Variants in EPB41L2 observed in about 807,000 individuals in gnomAD.
EPB41L2 encodes erythrocyte membrane protein band 4.1 like 2.
EPB41L2 carries 43 observed loss-of-function variants against 113.0 expected under a neutral mutation model. The observed-to-expected ratio is 0.38, with a 90% confidence interval of 0.30 to 0.49. The LOEUF is 0.49. Among genes scored for constraint, EPB41L2 ranks in the 20% least tolerant of loss-of-function variants. The probability of loss-of-function intolerance (pLI) is 0.95; values close to 1 mark genes in which losing one functional copy is unlikely to be tolerated. For missense variants in EPB41L2, 1,147 were observed against 1,223.4 expected, an observed-to-expected ratio of 0.94 and a Z score of 0.93; for synonymous variants, 442 against 436.7, an observed-to-expected ratio of 1.01 and a Z score of -0.15.
intron 1 of EPB41L2, among the ~76,000 whole-genome samples, chr6:131,060,883 CACTT>C (rs2128209973): frequency 6.6e-6 from 1 of 152,312 alleles, no homozygotes; most frequent in Non-Finnish European, 1.5e-5. Flanking sequence ...GAAATATACA[CACTT>C]AGTTGCTACA....
intron 8 of EPB41L2, among the ~76,000 whole-genome samples, chr6:130,898,337 G>C (rs371041352): frequency 1.3e-5 from 2 of 152,126 alleles, no homozygotes; most frequent in Non-Finnish European, 2.9e-5. Context: ...GAGGCCTAGG[G>C]AGGAAAGACA....
chr6:130,956,205 T>G lies in EPB41L2; in HGVS notation c.281A>C (p.Lys94Thr). Residue 94 changes from lysine (K) to threonine (T), a missense_variant, in exon 2 of 20, where the codon AAA becomes ACA. Transcript: ENST00000337057. ...KQKSYTLVVA[K>T]DGGDKKEPTQ... is the part of the protein sequence containing the mutation. ...AGGCTCTTTTTTATCTCCTCCATCT[T>G]TGGCCACTACTAAGGTATATGACTT... 1.2e-6 allele frequency: 2 copies of G among 1,614,208 alleles called. No individual in the cohort carries two copies. The highest frequency in any genetic ancestry group is 1.7e-6 in the Non-Finnish European group (2 of 1,180,046).
chr6:130,885,092 A>G lies in EPB41L2; in HGVS notation c.1833+4T>C. 1 of 1,614,036 alleles carries G rather than the reference A, an allele frequency of 6.2e-7. No individual in the cohort carries two copies. Among genetic ancestry groups the G allele is most frequent in the Non-Finnish European group, 8.5e-7 (1 of 1,179,960 alleles). On this transcript the variant is annotated splice_donor_region_variant and intron_variant, in intron 12 of 19. Coordinates refer to ENST00000337057, the MANE Select transcript of EPB41L2 (RefSeq NM_001431.4). The stretch of plus-strand genomic sequence containing the variant: ...AAACCACATACTGTGCTAATTTACC[A>G]TACCTTTCCTTCAATGAGCTGCAAA...
At chr6:131,054,401 C>G (rs1797217256) in intron 1 of EPB41L2, among the ~76,000 whole-genome samples, 1 of 152,212 alleles carries the variant, frequency 6.6e-6, no homozygotes, top group South Asian at 2.1e-4. Context: ...CTAGTCTCTG[C>G]TAGTATTTGC....
chr6:131,057,056 G>A (rs923867165), intron 1 of EPB41L2, among the ~76,000 whole-genome samples: 5 of 150,996 alleles, frequency 3.3e-5, no homozygotes, highest in African/African-American at 1.2e-4. Context: ...AGTGCAATAG[G>A]GTGAAAAAAT....
At position 130,885,123 on chromosome 6, in the gene EPB41L2, G is replaced by A; in HGVS notation, c.1806C>T (p.Ala602=). Residue 602 remains alanine (A), a synonymous_variant, in exon 12 of 20, where the codon GCC becomes GCT. Coordinates refer to ENST00000337057, the MANE Select transcript of EPB41L2 (RefSeq NM_001431.4). ...GRREVRSPTK[A]PHLQLIEGKK... ...TTCCTTCAATGAGCTGCAAATGTGG[G>A]GCTTTAGTTGGGCTTCTCACTTCCC... The A allele has an allele frequency of 3.1e-6, 5 of 1,614,044 alleles. No homozygotes were observed. The highest frequency in any genetic ancestry group is 3.4e-6 in the Non-Finnish European group (4 of 1,179,990).
At chr6:131,047,236 T>C (rs545500923) in intron 1 of EPB41L2, among the ~76,000 whole-genome samples, 1 of 152,158 alleles carries the variant, frequency 6.6e-6, no homozygotes, top group Non-Finnish European at 1.5e-5. Flanking sequence ...CTCAGGAAAC[T>C]GAGACAGAAG....
chr6:131,040,643 T>C (rs1794283759), intron 1 of EPB41L2, among the ~76,000 whole-genome samples: 2 of 152,194 alleles, frequency 1.3e-5, no homozygotes, highest in African/African-American at 4.8e-5. Flanking sequence ...TCCCAGATTA[T>C]ATGCCAGTAT....
At chr6:131,061,611 G>A (rs1048255965) in intron 1 of EPB41L2, among the ~76,000 whole-genome samples, 1 of 152,136 alleles carries the variant, frequency 6.6e-6, no homozygotes, top group African/African-American at 2.4e-5. Context: ...AACTGAATAG[G>A]ATTAAGCACT....
chr6:130,954,772 A>G (rs951530089), intron 3 of EPB41L2, among the ~76,000 whole-genome samples: 19 of 152,184 alleles, frequency 1.2e-4, no homozygotes, highest in Admixed American at 3.3e-4. Context: ...TACTGCTGAA[A>G]CTTCTTTATT....
intron 1 of EPB41L2, among the ~76,000 whole-genome samples, chr6:131,002,454 A>G (rs1784557650): frequency 6.6e-6 from 1 of 152,182 alleles, no homozygotes; most frequent in Non-Finnish European, 1.5e-5. Flanking sequence ...AACATTAATA[A>G]ACAGGTCAAA....
At chr6:130,965,155 T>C (rs1774732340) in intron 1 of EPB41L2, among the ~76,000 whole-genome samples, 1 of 152,208 alleles carries the variant, frequency 6.6e-6, no homozygotes, top group Non-Finnish European at 1.5e-5. Flanking sequence ...CAAGTGTTTA[T>C]TGAGTACTCT....
At chr6:130,846,680 GGCCCAA>G (rs1319463338) in intron 19 of EPB41L2, among the ~76,000 whole-genome samples, 3 of 152,170 alleles carry the variant, frequency 2.0e-5, no homozygotes, top group Non-Finnish European at 4.4e-5. Context: ...GGTCCTTTAA[GGCCCAA>G]GTCCCATCTT....
intron 1 of EPB41L2, among the ~76,000 whole-genome samples, chr6:130,973,160 T>C (rs1442858617): frequency 6.6e-6 from 1 of 152,090 alleles, no homozygotes; most frequent in African/African-American, 2.4e-5. Context: ...TTGATGGAAG[T>C]CTTCACTTCT....
In EPB41L2 at chr6:130,840,431, A is replaced by C. The variant is rs1775102700; in HGVS notation, c.*173T>G. ...AATGCATGGGAGCAATATAGACCAG[A>C]GCTGGTAAGGAAAGGTTTGGTGTTG... On this transcript the variant is annotated 3_prime_UTR_variant, in exon 20 of 20. Coordinates refer to ENST00000337057, the MANE Select transcript of EPB41L2 (RefSeq NM_001431.4). The C allele has an allele frequency of 6.6e-6, 1 of 152,208 alleles. No individual in the cohort carries two copies. Among genetic ancestry groups the C allele is most frequent in the Non-Finnish European group, 1.5e-5 (1 of 68,046 alleles). The allele number at this position is 152,208 out of a possible 1,614,324, so 9.4% of individuals were successfully genotyped here.
intron 1 of EPB41L2, among the ~76,000 whole-genome samples, chr6:130,973,929 T>C (rs145276968): frequency 5.9e-5 from 9 of 152,286 alleles, no homozygotes; most frequent in Admixed American, 2.6e-4. Context: ...AATCCAGAAA[T>C]GTGAAAACTT....
intron 1 of EPB41L2, among the ~76,000 whole-genome samples, chr6:130,982,453 A>G (rs1779584718): frequency 6.6e-6 from 1 of 152,208 alleles, no homozygotes; most frequent in Non-Finnish European, 1.5e-5. Context: ...AATGACAGAC[A>G]GGGTATAATT....
rs186863300 is a variant in EPB41L2 at position 131,057,751 on chromosome 6, T to C, written c.-15+5404A>G. ...GTATTTGAAAATTCTTTCATGAAGG[T>C]TGATGGTGAGGCCCTAAGAGCAAAG... On this transcript the variant is annotated intron_variant, in intron 1 of 19. Coordinates refer to ENST00000337057, the MANE Select transcript of EPB41L2 (RefSeq NM_001431.4). Among the ~76,000 whole-genome samples, 1,307 of 152,206 alleles carry C rather than the reference T, an allele frequency of 8.6e-3. 10 individuals carry two copies. The highest frequency in any genetic ancestry group is 0.021 in the South Asian group (102 of 4,814).
intron 19 of EPB41L2, among the ~76,000 whole-genome samples, chr6:130,855,875 G>A (rs1780073280): frequency 6.6e-6 from 1 of 152,014 alleles, no homozygotes; most frequent in African/African-American, 2.4e-5. Flanking sequence ...TATCGGTGGT[G>A]GGGGGAGGGG....
Sources: gnomAD v4.1 joint callset for allele counts (sites outside exome capture counted in the v4.1 genomes callset) on GRCh38, gnomAD v4.1.1 for gene constraint, MANE v1.5 for transcripts, NCBI Gene and HGNC (gene_info 2026-07-23, HGNC 2026-07-21) for gene names.